The following NRG3 variants were observed in gnomAD, a reference collection of about 807,000 sequenced individuals.
NRG3 encodes pro-neuregulin-3, membrane-bound isoform.
A neutral mutation model predicts 66.9 loss-of-function variants in NRG3; 31 were observed. The ratio of observed to expected loss-of-function variants is 0.46; its 90% CI spans 0.35 to 0.63. The LOEUF (loss-of-function observed/expected upper bound fraction) is 0.63, where lower values mean the gene tolerates loss of function less well. Among genes scored for constraint, NRG3 ranks in the 20% least tolerant of loss-of-function variants. The pLI is 0.00. For missense variants in NRG3, 910 were observed against 878.9 expected, an observed-to-expected ratio of 1.04 and a Z score of -0.45; for synonymous variants, 393 against 359.4, an observed-to-expected ratio of 1.09 and a Z score of -1.06.
intron 2 of NRG3, among the ~76,000 whole-genome samples, chr10:82,466,241 C>T (rs1414070960): frequency 6.6e-6 from 1 of 152,112 alleles, no homozygotes; most frequent in East Asian, 1.9e-4. Flanking sequence ...ATAACACCCT[C>T]CCCAGCTCAA....
intron 2 of NRG3, among the ~76,000 whole-genome samples, chr10:82,568,493 T>C (rs745339905): frequency 5.8e-4 from 88 of 151,908 alleles, no homozygotes; most frequent in Admixed American, 1.6e-3. Context: ...GATTTGTCCA[T>C]AGCTCTAAAG....
At chr10:82,775,651 A>T (rs538968811) in intron 3 of NRG3, among the ~76,000 whole-genome samples, 11 of 151,944 alleles carry the variant, frequency 7.2e-5, no homozygotes, top group African/African-American at 2.7e-4. Context: ...CAAGTTCTAT[A>T]TTTTCTCATT....
At chr10:82,487,383 G>A (rs998653212) in intron 2 of NRG3, among the ~76,000 whole-genome samples, 8 of 152,010 alleles carry the variant, frequency 5.3e-5, no homozygotes, top group Non-Finnish European at 1.0e-4. Flanking sequence ...TCTAATACAC[G>A]CTTTCTATCA....
intron 6 of NRG3, among the ~76,000 whole-genome samples, chr10:82,961,215 T>C (rs1176637826): frequency 6.6e-6 from 1 of 152,228 alleles, no homozygotes; most frequent in African/African-American, 2.4e-5. Flanking sequence ...GTGAAAAGTT[T>C]GTACCTTGAA....
intron 1 of NRG3, among the ~76,000 whole-genome samples, chr10:82,330,331 A>G (rs2082082188): frequency 2.0e-5 from 3 of 151,926 alleles, no homozygotes; most frequent in African/African-American, 7.3e-5. Context: ...CATTTTTGCT[A>G]TATTTACCTG....
At chr10:82,698,185 TTTC>T (rs71469932) in intron 2 of NRG3, among the ~76,000 whole-genome samples, 78,522 of 151,718 alleles carry the variant, frequency 0.52, 22,545 homozygotes, top group Non-Finnish European at 0.63. Flanking sequence ...GATTTTTTTG[TTTC>T]TTTTCTTTGG....
intron 2 of NRG3, among the ~76,000 whole-genome samples, chr10:82,522,499 A>G (rs1016937191): frequency 2.6e-5 from 4 of 152,210 alleles, no homozygotes; most frequent in Non-Finnish European, 4.4e-5. Flanking sequence ...ACAGATCACC[A>G]TAACAGGTAT....
At chr10:82,762,455 A>G (rs559553895) in intron 3 of NRG3, among the ~76,000 whole-genome samples, 2 of 152,192 alleles carry the variant, frequency 1.3e-5, no homozygotes, top group Non-Finnish European at 2.9e-5. Flanking sequence ...AGGCCATACA[A>G]TGCAAACTCA....
intron 1 of NRG3, among the ~76,000 whole-genome samples, chr10:82,015,481 C>T (rs1213502596): frequency 6.6e-6 from 1 of 152,038 alleles, no homozygotes; most frequent in African/African-American, 2.4e-5. Context: ...TCCCTATAAT[C>T]CCAACGTGTG....
At chr10:82,599,690 G>A (rs888756341) in intron 2 of NRG3, among the ~76,000 whole-genome samples, 13 of 151,952 alleles carry the variant, frequency 8.6e-5, no homozygotes, top group African/African-American at 2.2e-4. Flanking sequence ...GGTGTTGCAC[G>A]CCTGTAATCC....
At chr10:82,508,307 G>A (rs1844863576) in intron 2 of NRG3, among the ~76,000 whole-genome samples, 1 of 152,122 alleles carries the variant, frequency 6.6e-6, no homozygotes, top group African/African-American at 2.4e-5. Context: ...TGACAAATGT[G>A]TTATTCTCCC....
chr10:82,798,417 T>A (rs941982906), intron 3 of NRG3, among the ~76,000 whole-genome samples: 1 of 152,190 alleles, frequency 6.6e-6, no homozygotes, highest in Admixed American at 6.5e-5. Flanking sequence ...AAACTTCTCT[T>A]ATCTCCTTGA....
intron 1 of NRG3, among the ~76,000 whole-genome samples, chr10:81,901,829 A>G (rs890183581): frequency 1.6e-4 from 24 of 152,178 alleles, no homozygotes; most frequent in Non-Finnish European, 3.1e-4. Context: ...GACTTGGAGG[A>G]AAGGTTAGTC....
At chr10:82,949,877 A>T (rs575407776) in intron 4 of NRG3, among the ~76,000 whole-genome samples, 1 of 152,118 alleles carries the variant, frequency 6.6e-6, no homozygotes, top group African/African-American at 2.4e-5. Flanking sequence ...AAAACCAAAA[A>T]AAAAACCAAA....
At chr10:82,692,768 G>A (rs1455940533) in intron 2 of NRG3, among the ~76,000 whole-genome samples, 1 of 152,220 alleles carries the variant, frequency 6.6e-6, no homozygotes, top group Non-Finnish European at 1.5e-5. Flanking sequence ...CTTGTGGGAT[G>A]GGTTGGAGAT....
chr10:82,569,821 G>T (rs1166524679), intron 2 of NRG3, among the ~76,000 whole-genome samples: 2 of 151,630 alleles, frequency 1.3e-5, no homozygotes, highest in Non-Finnish European at 3.0e-5. Flanking sequence ...TCATATGAGT[G>T]ATAAATCCAG....
At chr10:82,324,768 C>T (rs1267053565) in intron 1 of NRG3, among the ~76,000 whole-genome samples, 1 of 152,192 alleles carries the variant, frequency 6.6e-6, no homozygotes, top group Non-Finnish European at 1.5e-5. Context: ...GTGTTCAGAG[C>T]ACATGCATTG....
intron 1 of NRG3, among the ~76,000 whole-genome samples, chr10:82,174,565 G>T (rs118052899): frequency 6.6e-6 from 1 of 152,154 alleles, no homozygotes; most frequent in East Asian, 1.9e-4. Flanking sequence ...TATATTTCAA[G>T]CCTTAATTAG....
At chr10:82,799,513 C>T (rs1370436102) in intron 3 of NRG3, among the ~76,000 whole-genome samples, 6 of 114,792 alleles carry the variant, frequency 5.2e-5, no homozygotes, top group Admixed American at 9.8e-5. Flanking sequence ...GTGACAAGAG[C>T]GAAATTCCGT....
Sources: gnomAD v4.1 joint callset for allele counts (sites outside exome capture counted in the v4.1 genomes callset) on GRCh38, gnomAD v4.1.1 for gene constraint, MANE v1.5 for transcripts, NCBI Gene and HGNC (gene_info 2026-07-23, HGNC 2026-07-21) for gene names.